Variants in HEG1 observed in about 807,000 individuals in gnomAD.
HEG1 encodes protein HEG homolog 1.
Under a neutral mutation model 125.6 loss-of-function variants are expected in HEG1, and 56 were observed. The observed-to-expected ratio is 0.45, with a 90% confidence interval of 0.36 to 0.56. The LOEUF (loss-of-function observed/expected upper bound fraction) is 0.56. HEG1 is among the 20% of genes least tolerant of loss of function. The pLI is 0.00. For missense variants in HEG1, 1,523 were observed against 1,670.0 expected (o/e 0.91, Z 1.53); for synonymous variants, 644 against 668.5 (o/e 0.96, Z 0.57).
chr3:125,009,499 T>A (rs1447328472), intron 8 of HEG1: 11 of 402,994 alleles, frequency 2.7e-5, no homozygotes, highest in Non-Finnish European at 4.5e-5. Flanking sequence ...TGTAAAAATA[T>A]ACTGCACATC....
At chr3:125,001,432 C>T (rs1368963403) in intron 11 of HEG1, among the ~76,000 whole-genome samples, 1 of 152,160 alleles carries the variant, frequency 6.6e-6, no homozygotes, top group Admixed American at 6.5e-5. Flanking sequence ...GTGTGAGCCA[C>T]TGCCTCTGGC....
In HEG1 at chr3:125,001,889, G is replaced by A; in HGVS notation, c.3480C>T (p.Val1160=). 1 of 1,613,706 alleles carries A rather than the reference G, an allele frequency of 6.2e-7. No individual in the cohort carries two copies. The highest frequency in any genetic ancestry group is 8.5e-7 in the Non-Finnish European group (1 of 1,179,814). Residue 1160 remains valine (V), a synonymous_variant, in exon 11 of 17, where the codon GTC becomes GTT. Coordinates refer to ENST00000311127, the MANE Select transcript of HEG1 (RefSeq NM_020733.2). ...CVNSCKSSAE[V]CQLLGSQRRI... is the part of the protein sequence containing the mutation. ...GCCTCTGAGATCCCAAGAGCTGGCA[G>A]ACCTCAGCAGAGGACTTGCAGGAGT... is the stretch of plus-strand genomic sequence containing the variant.
At position 125,012,849 on chromosome 3, in the gene HEG1, A is replaced by G. The variant is rs1460418751; in HGVS notation, c.2730T>C (p.Ala910=). ...TGGTCAAAGGGATCAATCCAGTGGT[A>G]GCATCCACAATCACTCGGTTCCTTT... The part of the protein sequence containing the change: ...STERNRVIVD[A]TTGLIPLTSV... The change falls in exon 6 of 17, where the codon GCT becomes GCC. Residue 910 remains alanine, a synonymous_variant. Transcript: ENST00000311127. 2 of 1,614,012 alleles carry G rather than the reference A, an allele frequency of 1.2e-6. No homozygotes were observed. The highest frequency in any genetic ancestry group is 1.7e-6 in the Non-Finnish European group (2 of 1,179,870).
chr3:125,039,595 A>G (rs1426602528), intron 1 of HEG1, among the ~76,000 whole-genome samples: 1 of 152,074 alleles, frequency 6.6e-6, no homozygotes, highest in Admixed American at 6.5e-5. Context: ...TTTCACTAAC[A>G]TCTATTTAGG....
intron 1 of HEG1, among the ~76,000 whole-genome samples, chr3:125,029,933 T>C (rs900596421): frequency 6.6e-6 from 1 of 152,224 alleles, no homozygotes; most frequent in African/African-American, 2.4e-5. Context: ...CCCATATTCA[T>C]TATTCTTATA....
rs186364148 is a variant in HEG1 at position 125,030,115 on chromosome 3, T to C, written c.317-627A>G. ...CAGAGAGGGGATTAGAGGAGGAAGA[T>C]TGGGTGTAAGCAAAAGGCAAGAAGC... On this transcript the variant is annotated intron_variant, in intron 1 of 16. Transcript: ENST00000311127. Among the ~76,000 whole-genome samples, 34 of 152,124 alleles carry C rather than the reference T, an allele frequency of 2.2e-4. No individual in the cohort carries two copies. The East Asian group carries it at 6.6e-3, about 29-fold the overall frequency.
chr3:124,987,983 G>T, intron 14 of HEG1, among the ~76,000 whole-genome samples: 1 of 86,250 alleles, frequency 1.2e-5, no homozygotes, highest in African/African-American at 3.8e-5. Flanking sequence ...ATACCATGTA[G>T]TTCTAGTATT....
chr3:125,001,902 G>A lies in HEG1; in HGVS notation c.3467C>T (p.Ser1156Phe), dbSNP rs917181547. The change falls in exon 11 of 17, where the codon TCC becomes TTC. Residue 1156 changes from serine to phenylalanine, a missense_variant. Transcript: ENST00000311127. ...RMQKCVNSCK[S>F]SAEVCQLLGS... ...CAAGAGCTGGCAGACCTCAGCAGAG[G>A]ACTTGCAGGAGTTGACACATTTCTG... is the stretch of plus-strand genomic sequence containing the variant. 3 of 1,613,658 alleles carry A rather than the reference G, an allele frequency of 1.9e-6. No individual in the cohort carries two copies. Among genetic ancestry groups the A allele is most frequent in the African/African-American group, 2.7e-5 (2 of 74,914 alleles).
chr3:124,970,861 T>C, intron 16 of HEG1, 60 bp from the exon 17 acceptor site: 1 of 1,394,366 alleles, frequency 7.2e-7, no homozygotes. Flanking sequence ...TAAATTGCAG[T>C]GTTAAATCCC....
intron 14 of HEG1, among the ~76,000 whole-genome samples, chr3:124,985,071 T>C (rs982500274): frequency 6.6e-6 from 1 of 152,222 alleles, no homozygotes; most frequent in East Asian, 1.9e-4. Flanking sequence ...TGGAAAAATA[T>C]ATAATACCAG....
intron 12 of HEG1, among the ~76,000 whole-genome samples, chr3:124,995,454 G>A (rs1403821427): frequency 6.6e-6 from 1 of 152,228 alleles, no homozygotes; most frequent in Non-Finnish European, 1.5e-5. Context: ...GTGTGTGCAT[G>A]TGTGTGTGTG....
At chr3:125,038,789 G>A (rs1301639489) in intron 1 of HEG1, among the ~76,000 whole-genome samples, 4 of 152,164 alleles carry the variant, frequency 2.6e-5, no homozygotes, top group Non-Finnish European at 5.9e-5. Flanking sequence ...TATTCTTGGT[G>A]GAGAAGAGAA....
intron 12 of HEG1, among the ~76,000 whole-genome samples, chr3:124,991,803 G>A (rs1191273495): frequency 6.6e-6 from 1 of 152,146 alleles, no homozygotes; most frequent in Admixed American, 6.6e-5. Context: ...GTAGAGATGA[G>A]GTTTCACCAT....
At chr3:125,029,174 G>A (rs370141184) in intron 2 of HEG1, 21 bp downstream of exon 2, 65 of 1,603,152 alleles carry the variant, frequency 4.1e-5, no homozygotes, top group Non-Finnish European at 5.2e-5. Flanking sequence ...CGTGAAATGC[G>A]CATCATCAGC....
intron 1 of HEG1, among the ~76,000 whole-genome samples, chr3:125,044,459 A>G (rs935675382): frequency 2.6e-5 from 4 of 152,198 alleles, no homozygotes; most frequent in African/African-American, 9.6e-5. Context: ...TATTGCAGCC[A>G]AAACGTAGGT....
At chr3:124,972,916 C>T (rs1936470648) in intron 16 of HEG1, among the ~76,000 whole-genome samples, 1 of 152,138 alleles carries the variant, frequency 6.6e-6, no homozygotes, top group Non-Finnish European at 1.5e-5. Context: ...ATATTCTAAA[C>T]CTGAGAAGTG....
chr3:124,972,965 C>A (rs1261739857), intron 16 of HEG1, among the ~76,000 whole-genome samples: 2 of 152,008 alleles, frequency 1.3e-5, no homozygotes, highest in African/African-American at 4.8e-5. Flanking sequence ...TCTCTTTATA[C>A]CTTTTCCCCA....
Position 125,020,191 on chromosome 3 carries a change from G to T in HEG1, c.1253-594C>A, listed in dbSNP as rs537838640. 3.9e-5 allele frequency among the ~76,000 whole-genome samples: 6 copies of T among 152,296 alleles called. No individual in the cohort carries two copies. The East Asian group carries it at 1.2e-3, about 29-fold the overall frequency. ...CCTGTAATCCCAGCACTTTGGGAGG[G>T]CAAGGCAGGAGGATTGCTTAGGGCC... On this transcript the variant is annotated intron_variant, in intron 4 of 16. Coordinates refer to ENST00000311127, the MANE Select transcript of HEG1 (RefSeq NM_020733.2).
At chr3:125,046,593 G>C (rs940633896) in intron 1 of HEG1, among the ~76,000 whole-genome samples, 2 of 152,092 alleles carry the variant, frequency 1.3e-5, no homozygotes, top group African/African-American at 4.8e-5. Flanking sequence ...TTTCAATAGA[G>C]CCTGCAGAAT....
Sources: gnomAD v4.1 joint callset for allele counts (sites outside exome capture counted in the v4.1 genomes callset) on GRCh38, gnomAD v4.1.1 for gene constraint, MANE v1.5 for transcripts, NCBI Gene and HGNC (gene_info 2026-07-23, HGNC 2026-07-21) for gene names.